Variants in BSCL2 observed in about 807,000 individuals in gnomAD.
The protein encoded by BSCL2 is seipin.
Under a neutral mutation model 57.4 loss-of-function variants are expected in BSCL2, and 41 were observed. The observed-to-expected ratio is 0.71, with a 90% CI of 0.56 to 0.93. BSCL2 has a LOEUF of 0.93. Among genes scored for constraint, BSCL2 ranks in the 40% least tolerant of loss-of-function variants. BSCL2 has a pLI of 0.00. For synonymous variants in BSCL2, 237 were observed against 227.3 expected (o/e 1.04, Z -0.38); for missense variants, 539 against 586.7 (o/e 0.92, Z 0.84).
intron 3 of BSCL2, among the ~76,000 whole-genome samples, chr11:62,701,977 G>A (rs1240096238): frequency 2.6e-5 from 4 of 152,012 alleles, no homozygotes; most frequent in Non-Finnish European, 5.9e-5. Flanking sequence ...GGACTATGTT[G>A]AGAAAGAACA....
chr11:62,702,577 G>T (rs973365158), intron 2 of BSCL2, 28 bp from the exon 3 acceptor site: 2 of 1,587,880 alleles, frequency 1.3e-6, no homozygotes, highest in Non-Finnish European at 1.7e-6. Flanking sequence ...AGGATACTCT[G>T]CTAAGTTAGT....
chr11:62,692,164 G>T (rs181780895), intron 6 of BSCL2, among the ~76,000 whole-genome samples: 192 of 152,114 alleles, frequency 1.3e-3, no homozygotes, highest in African/African-American at 4.5e-3. Context: ...GGGTTGGGGG[G>T]ACAAAAAACA....
rs1187561826 is a variant in BSCL2, at chr11:62,690,521, C to T, written c.1235G>A (p.Gly412Asp). The change falls in exon 11 of 11, where the codon GGT becomes GAT. Residue 412 changes from glycine (G) to aspartate (D), a missense_variant and splice_region_variant. Gly to Asp is a moderately conservative substitution (Grantham distance 94). This residue lies in a region of BSCL2 where 248 missense variants were observed against 239.9 expected (regional missense o/e 1.03). Transcript: ENST00000360796. ...EEELEPEASD[G>D]SGSWEDAALL... ...AGCTGCATCTTCCCAGGAGCCTGAA[C>T]CTGGGCCAGGAAAGGGAAAAACAAA... 20 of 1,614,142 alleles carry T rather than the reference C, an allele frequency of 1.2e-5. No homozygotes were observed. Among genetic ancestry groups the T allele is most frequent in the Non-Finnish European group, 1.7e-5 (20 of 1,180,014 alleles).
chr11:62,692,354 T>C, intron 6 of BSCL2, 22 bp downstream of exon 6: 2 of 1,612,862 alleles, frequency 1.2e-6, no homozygotes, highest in Non-Finnish European at 1.7e-6. Flanking sequence ...TTGCCCAAGG[T>C]TCACTCCAGT....
upstream of BSCL2, chr11:62,707,500 G>T (rs1235635288): frequency 1.6e-6 from 1 of 638,582 alleles, no homozygotes; most frequent in African/African-American, 1.8e-5. Flanking sequence ...ATTTGAGAGG[G>T]GGAGTCGGCC....
chr11:62,698,445 G>A (rs1419411367), intron 3 of BSCL2, among the ~76,000 whole-genome samples: 2 of 151,972 alleles, frequency 1.3e-5, no homozygotes, highest in Non-Finnish European at 2.9e-5. Context: ...TGATCCACCC[G>A]CCTCGGCCTC....
intron 7 of BSCL2, 44 bp from the exon 8 acceptor site, chr11:62,691,185 A>G: frequency 1.2e-6 from 2 of 1,613,898 alleles, no homozygotes; most frequent in Non-Finnish European, 1.7e-6. Flanking sequence ...GACTTCCCTC[A>G]CTAACAATCA....
chr11:62,699,656 CA>C (rs1169802925), intron 3 of BSCL2, among the ~76,000 whole-genome samples: 1 of 145,118 alleles, frequency 6.9e-6, no homozygotes, highest in Non-Finnish European at 1.5e-5. Context: ...GCCTGGGCAA[CA>C]TAGCAAAATC....
intron 3 of BSCL2, among the ~76,000 whole-genome samples, chr11:62,699,545 TATAG>T (rs1945577204): frequency 6.6e-6 from 1 of 152,092 alleles, no homozygotes; most frequent in Non-Finnish European, 1.5e-5. Flanking sequence ...TAAATGTCTT[TATAG>T]AAGATTCTAG....
intron 3 of BSCL2, among the ~76,000 whole-genome samples, chr11:62,696,034 G>T (rs1002778156): frequency 1.3e-5 from 2 of 152,054 alleles, no homozygotes; most frequent in Non-Finnish European, 2.9e-5. Context: ...TTAGCCGGGC[G>T]TGGTAGCAGG....
In BSCL2 at chr11:62,705,562, G is replaced by A. The variant is rs1590885409; in HGVS notation, c.143C>T (p.Ala48Val). Residue 48 changes from alanine (A) to valine (V), a missense_variant, in exon 2 of 11, where the codon GCT becomes GTT. Physicochemically the swap from Ala to Val is moderately conservative, Grantham distance 64. This residue lies in a region of BSCL2 where 218 missense variants were observed against 224.8 expected (regional missense o/e 0.97). Transcript: ENST00000360796. ...GQGWRPGGRAARNARPEPGAR... is the reference protein window; with the variant it reads ...GQGWRPGGRAVRNARPEPGAR... ...CCCAGGTTCAGGCCTTGCGTTCCTA[G>A]CTGCTCTGCCACCTGGACGCCACCC... 1 of 1,598,038 alleles carries A rather than the reference G, an allele frequency of 6.3e-7. No individual in the cohort carries two copies. Among genetic ancestry groups the A allele is most frequent in the Non-Finnish European group, 8.5e-7 (1 of 1,169,594 alleles).
intron 1 of BSCL2, 70 bp from the exon 2 acceptor site, chr11:62,705,687 G>A: frequency 1.4e-6 from 2 of 1,388,244 alleles, no homozygotes; most frequent in East Asian, 5.0e-5. Context: ...CAGCTTACTG[G>A]ACTGGCTTTG....
At chr11:62,706,319 GC>G (rs1310902228) in intron 1 of BSCL2, 4 of 1,123,724 alleles carry the variant, frequency 3.6e-6, no homozygotes, top group Admixed American at 4.9e-5. Flanking sequence ...GGGAAGTCCC[GC>G]CCCTCTCCGC....
intron 2 of BSCL2, 59 bp from the exon 3 acceptor site, chr11:62,702,608 C>T (rs1174313105): frequency 1.4e-5 from 20 of 1,458,956 alleles, no homozygotes; most frequent in Non-Finnish European, 1.9e-5. Context: ...CATCCATACA[C>T]CTTCTTTGCC....
chr11:62,694,781 C>T, intron 3 of BSCL2, 70 bp from the exon 4 acceptor site: 1 of 1,535,056 alleles, frequency 6.5e-7, no homozygotes, highest in Non-Finnish European at 8.8e-7. Context: ...TATTCCACCT[C>T]CCTCTTAGCC....
chr11:62,694,461 T>C, intron 4 of BSCL2, 107 bp downstream of exon 4: 1 of 1,554,108 alleles, frequency 6.4e-7, no homozygotes, highest in Non-Finnish European at 8.8e-7. Flanking sequence ...TGCCTCGGCC[T>C]CCCAAACTGC....
At chr11:62,700,726 G>T (rs1255904011) in intron 3 of BSCL2, among the ~76,000 whole-genome samples, 1 of 152,148 alleles carries the variant, frequency 6.6e-6, no homozygotes, top group Non-Finnish European at 1.5e-5. Flanking sequence ...GCCGAGGTGG[G>T]TGGATCACCT....
intron 3 of BSCL2, among the ~76,000 whole-genome samples, chr11:62,696,628 C>T (rs909646393): frequency 3.3e-5 from 5 of 152,090 alleles, no homozygotes; most frequent in African/African-American, 1.2e-4. Flanking sequence ...GTGATCACAG[C>T]TCACTGGCAG....
At chr11:62,698,905 A>ATTAT (rs1225508357) in intron 3 of BSCL2, among the ~76,000 whole-genome samples, 2 of 151,828 alleles carry the variant, frequency 1.3e-5, no homozygotes, top group Non-Finnish European at 2.9e-5. Context: ...ATTTATTATT[A>ATTAT]TTATTTATTT....
Sources: gnomAD v4.1 joint callset for allele counts (sites outside exome capture counted in the v4.1 genomes callset) on GRCh38, gnomAD v4.1.1 for gene constraint, gnomAD v4.1.1 regional missense constraint, MANE v1.5 for transcripts, NCBI Gene and HGNC (gene_info 2026-07-23, HGNC 2026-07-21) for gene names.